ZMAT4: variants seen among roughly 807,000 people sequenced by gnomAD.
ZMAT4 encodes zinc finger matrin-type protein 4.
Under a neutral mutation model 28.7 loss-of-function variants are expected in ZMAT4, and 17 were observed. The ratio of observed to expected loss-of-function variants is 0.59; its 90% CI spans 0.41 to 0.89. ZMAT4 has a LOEUF of 0.89. ZMAT4 is among the 40% of genes least tolerant of loss of function. ZMAT4 has a pLI of 0.00. For missense variants in ZMAT4, 240 were observed against 283.8 expected (o/e 0.85, Z 1.11); for synonymous variants, 117 against 109.2 (o/e 1.07, Z -0.44).
At chr8:40,794,348 C>A (rs1466154183) in intron 2 of ZMAT4, among the ~76,000 whole-genome samples, 2 of 152,202 alleles carry the variant, frequency 1.3e-5, no homozygotes, top group African/African-American at 2.4e-5. Flanking sequence ...AGTTACCCAA[C>A]ACACCATATA....
In ZMAT4 at chr8:40,617,877, A is replaced by C. The variant is rs189971498; in HGVS notation, c.578-36616T>G. Among the ~76,000 whole-genome samples, 277 of 152,308 alleles carry C rather than the reference A, an allele frequency of 1.8e-3. 3 individuals carry two copies. Among genetic ancestry groups the C allele is most frequent in the African/African-American group, 6.3e-3 (260 of 41,558 alleles). ...TGCTGAGGCAGCCCAAGATACATGC[A>C]ATGTTTTGCTTTTTCAAAATGAAAA... On this transcript the variant is annotated intron_variant, in intron 5 of 6. Transcript: ENST00000297737.
chr8:40,747,323 G>T (rs576212803), intron 3 of ZMAT4, among the ~76,000 whole-genome samples: 1 of 151,968 alleles, frequency 6.6e-6, no homozygotes, highest in South Asian at 2.1e-4. Flanking sequence ...TACATGACTC[G>T]CCCATGATCT....
intron 3 of ZMAT4, among the ~76,000 whole-genome samples, chr8:40,758,194 A>T (rs972792100): frequency 6.6e-6 from 1 of 151,966 alleles, no homozygotes; most frequent in Non-Finnish European, 1.5e-5. Flanking sequence ...ATATACATCT[A>T]TCCTATTAGT....
At chr8:40,888,373 C>A (rs542263231) in intron 1 of ZMAT4, 1 of 152,402 alleles carries the variant, frequency 6.6e-6, no homozygotes, top group Admixed American at 6.5e-5. Flanking sequence ...GGGATGCCAG[C>A]ACCTTCCCCA....
At chr8:40,677,993 C>T (rs1030583145) in intron 4 of ZMAT4, among the ~76,000 whole-genome samples, 8 of 152,102 alleles carry the variant, frequency 5.3e-5, no homozygotes, top group African/African-American at 1.9e-4. Flanking sequence ...TCAATTGTAT[C>T]AAAAACTCTG....
At chr8:40,830,817 G>A (rs781621427) in intron 1 of ZMAT4, among the ~76,000 whole-genome samples, 5 of 152,194 alleles carry the variant, frequency 3.3e-5, no homozygotes, top group Admixed American at 1.3e-4. Context: ...AAATCCAGGT[G>A]TGGTTGCTTG....
chr8:40,873,205 C>T (rs971799886), intron 1 of ZMAT4, among the ~76,000 whole-genome samples: 1 of 152,208 alleles, frequency 6.6e-6, no homozygotes, highest in Non-Finnish European at 1.5e-5. Flanking sequence ...AATCAGCATT[C>T]CTTGGATGCA....
intron 5 of ZMAT4, among the ~76,000 whole-genome samples, chr8:40,668,637 T>C (rs1245314666): frequency 6.6e-6 from 1 of 152,002 alleles, no homozygotes; most frequent in African/African-American, 2.4e-5. Context: ...CAGGAAGGGA[T>C]AGGCTAACTC....
At chr8:40,687,686 A>C (rs1044700789) in intron 4 of ZMAT4, among the ~76,000 whole-genome samples, 13 of 152,184 alleles carry the variant, frequency 8.5e-5, no homozygotes, top group African/African-American at 3.1e-4. Flanking sequence ...AAAAGGATGG[A>C]CTAAATGTTC....
intron 3 of ZMAT4, among the ~76,000 whole-genome samples, chr8:40,738,245 T>C (rs1041992827): frequency 1.3e-5 from 2 of 152,096 alleles, no homozygotes; most frequent in African/African-American, 4.8e-5. Flanking sequence ...CAAAGAGAAT[T>C]CATGCATTAT....
intron 5 of ZMAT4, among the ~76,000 whole-genome samples, chr8:40,653,778 AT>A (rs1807793013): frequency 6.6e-6 from 1 of 152,208 alleles, no homozygotes; most frequent in Non-Finnish European, 1.5e-5. Context: ...AATCAAAAAT[AT>A]TTCATACAAA....
At chr8:40,574,635 T>A (rs1051726198) in intron 6 of ZMAT4, among the ~76,000 whole-genome samples, 2 of 152,110 alleles carry the variant, frequency 1.3e-5, no homozygotes, top group Non-Finnish European at 2.9e-5. Context: ...CAGCAAAAAA[T>A]TGGCAAAATC....
intron 1 of ZMAT4, among the ~76,000 whole-genome samples, chr8:40,856,910 G>A (rs1817319130): frequency 1.3e-5 from 2 of 152,190 alleles, no homozygotes; most frequent in African/African-American, 2.4e-5. Context: ...TGCAAATGGG[G>A]ATGGGGGAGA....
At chr8:40,789,791 G>A (rs1814246957) in intron 2 of ZMAT4, among the ~76,000 whole-genome samples, 1 of 152,176 alleles carries the variant, frequency 6.6e-6, no homozygotes, top group Non-Finnish European at 1.5e-5. Context: ...CTGCAGTAAT[G>A]AGTCCAGGAA....
intron 1 of ZMAT4, among the ~76,000 whole-genome samples, chr8:40,869,377 T>G (rs28668917): frequency 6.6e-6 from 1 of 152,182 alleles, no homozygotes; most frequent in South Asian, 2.1e-4. Context: ...TTTTGTTTTG[T>G]TTTTGTTTTT....
intron 2 of ZMAT4, among the ~76,000 whole-genome samples, chr8:40,800,398 G>A (rs560040281): frequency 1.3e-5 from 2 of 152,194 alleles, no homozygotes; most frequent in South Asian, 4.1e-4. Context: ...GAATATAATG[G>A]ATATCTATAG....
intron 2 of ZMAT4, among the ~76,000 whole-genome samples, chr8:40,797,336 T>C (rs62642759): frequency 0.09 from 13,698 of 152,234 alleles, 889 homozygotes; most frequent in East Asian, 0.34. Context: ...ATCTCTGGCC[T>C]CAAGGAGCTC....
chr8:40,825,734 C>G (rs994985102), intron 1 of ZMAT4, 54 bp from the exon 2 acceptor site: 2 of 1,403,858 alleles, frequency 1.4e-6, no homozygotes, highest in Non-Finnish European at 2.0e-6. Context: ...GATGTTTATG[C>G]AAGATATTAA....
intron 2 of ZMAT4, among the ~76,000 whole-genome samples, chr8:40,781,426 C>T (rs535898487): frequency 2.6e-5 from 4 of 152,064 alleles, no homozygotes; most frequent in South Asian, 4.1e-4. Context: ...AGGGTGGTAC[C>T]GGCATAAAGA....
Sources: gnomAD v4.1 joint callset for allele counts (sites outside exome capture counted in the v4.1 genomes callset) on GRCh38, gnomAD v4.1.1 for gene constraint, MANE v1.5 for transcripts, NCBI Gene and HGNC (gene_info 2026-07-23, HGNC 2026-07-21) for gene names.